The following TUBB4B variants were observed in gnomAD, a reference collection of about 807,000 sequenced individuals.
TUBB4B encodes the protein tubulin beta 4B class IVb.
TUBB4B carries 7 observed loss-of-function variants against 34.3 expected under a neutral mutation model. The observed-to-expected ratio is 0.20, with a 90% CI of 0.12 to 0.38. The LOEUF (loss-of-function observed/expected upper bound fraction) is 0.38. TUBB4B is among the 10% of genes least tolerant of loss of function. The pLI is 1.00. For missense variants in TUBB4B, 178 were observed against 610.9 expected (o/e 0.29, Z 7.47); for synonymous variants, 390 against 250.2 (o/e 1.56, Z -5.27).
rs772677640 is a variant in TUBB4B at position 137,241,358 on chromosome 9, A to G, written c.-3A>G. The G allele has an allele frequency of 1.0e-5, 16 of 1,597,162 alleles. No individual in the cohort carries two copies. The highest frequency in any genetic ancestry group is 3.3e-5 in the South Asian group (3 of 90,686). On this transcript the variant is annotated 5_prime_UTR_variant, in exon 1 of 4. Transcript: ENST00000340384. ...CTGCTTCCCCGCCGCCGCCGCCGCC[A>G]TCATGAGGGAAATCGTGCACTTGCA...
rs1243665885 is a variant in TUBB4B at position 137,243,601 on chromosome 9, T to TA, written c.*46dup. On this transcript the variant is annotated 3_prime_UTR_variant, in exon 4 of 4. Coordinates refer to ENST00000340384, the MANE Select transcript of TUBB4B (RefSeq NM_006088.6). The stretch of plus-strand genomic sequence containing the variant: ...AAGCAGGGAAGCAGTGTGAACTCTT[T>TA]ATTCACTCCCAGCCTGTCCTGTGGC... 3.5e-5 allele frequency: 57 copies of TA among 1,613,154 alleles called. No homozygotes were observed. Among genetic ancestry groups the TA allele is most frequent in the Non-Finnish European group, 4.7e-5 (55 of 1,179,404 alleles).
At chr9:137,242,253 T>G (rs1184029830) in intron 3 of TUBB4B, 3 of 662,788 alleles carry the variant, frequency 4.5e-6, no homozygotes, top group Admixed American at 3.0e-5. Flanking sequence ...TGGCTGTTCC[T>G]CTGTCCTTGG....
rs769479167 is a variant in TUBB4B at position 137,243,067 on chromosome 9, G to A, written c.849G>A (p.Ala283=). Residue 283 remains alanine, a synonymous_variant, in exon 4 of 4, where the codon GCG becomes GCA. Coordinates refer to ENST00000340384, the MANE Select transcript of TUBB4B (RefSeq NM_006088.6). ...GCCGGGGCAGCCAGCAGTACCGGGC[G>A]CTGACCGTGCCCGAGCTCACCCAGC... ...LTSRGSQQYR[A]LTVPELTQQM... is the part of the protein sequence containing the mutation. 18 of 1,612,818 alleles carry A rather than the reference G, an allele frequency of 1.1e-5. No individual in the cohort carries two copies. The highest frequency in any genetic ancestry group is 6.7e-5 in the African/African-American group (5 of 74,930).
intron 3 of TUBB4B, 99 bp from the exon 4 acceptor site, chr9:137,242,397 G>A: frequency 1.4e-6 from 2 of 1,405,950 alleles, no homozygotes; most frequent in Non-Finnish European, 1.9e-6. Flanking sequence ...GGTGAATTCT[G>A]TGGTCAGCTC....
intron 1 of TUBB4B, 124 bp downstream of exon 1, chr9:137,241,541 G>T: frequency 5.7e-5 from 55 of 962,682 alleles, no homozygotes; most frequent in Non-Finnish European, 7.0e-5. Context: ...CCCCCTCCGC[G>T]GGGAATTGGC....
At chr9:137,242,060 C>G in intron 3 of TUBB4B, 39 bp downstream of exon 3, 3 of 1,591,448 alleles carry the variant, frequency 1.9e-6, no homozygotes, top group Non-Finnish European at 2.6e-6. Flanking sequence ...GCTCAAAGGT[C>G]AAGGGGCTGC....
chr9:137,241,857 C>A, intron 2 of TUBB4B, 28 bp downstream of exon 2: 4 of 1,611,536 alleles, frequency 2.5e-6, no homozygotes, highest in Non-Finnish European at 3.4e-6. Context: ...TCCCCGACCG[C>A]CCTCCGGGGA....
intron 1 of TUBB4B, 35 bp from the exon 2 acceptor site, chr9:137,241,686 C>T (rs1390054993): frequency 1.3e-6 from 2 of 1,585,238 alleles, no homozygotes; most frequent in Non-Finnish European, 1.7e-6. Flanking sequence ...GTGACTCAGC[C>T]CCGGCCCGCC....
At chr9:137,241,657 T>G in intron 1 of TUBB4B, 64 bp from the exon 2 acceptor site, 1 of 1,346,820 alleles carries the variant, frequency 7.4e-7, no homozygotes, top group African/African-American at 1.5e-5. Context: ...CGGGGCTGCC[T>G]CCCTGCGCAC....
At position 137,243,704 on chromosome 9, in the gene TUBB4B, A is replaced by G. The variant is rs1320640917; in HGVS notation, c.*148A>G. ...GACACCACCATTAAAGCATTTTCAT[A>G]GTGTGTGGTTTCGCTTTGCCCATTC... On this transcript the variant is annotated 3_prime_UTR_variant, in exon 4 of 4. Coordinates refer to ENST00000340384, the MANE Select transcript of TUBB4B (RefSeq NM_006088.6). The G allele has an allele frequency of 2.0e-5, 33 of 1,613,958 alleles. 2 individuals are homozygous for G. Among genetic ancestry groups the G allele is most frequent in the Non-Finnish European group, 2.5e-5 (30 of 1,180,002 alleles).
rs755392886 is a variant in TUBB4B, at chr9:137,241,793, C to T, written c.130C>T (p.Leu44=). The T allele has an allele frequency of 6.8e-6, 11 of 1,612,262 alleles. No homozygotes were observed. The highest frequency in any genetic ancestry group is 4.0e-5 in the African/African-American group (3 of 74,896). The part of the protein sequence containing the change: ...GTYHGDSDLQ[L]ERINVYYNEA... The stretch of plus-strand genomic sequence containing the variant: ...CTACCACGGGGACAGCGACCTGCAG[C>T]TGGAACGCATCAACGTGTACTACAA... Residue 44 remains leucine (L), a synonymous_variant, in exon 2 of 4, where the codon CTG becomes TTG. Coordinates refer to ENST00000340384, the MANE Select transcript of TUBB4B (RefSeq NM_006088.6).
chr9:137,242,395 C>T (rs1246444317), intron 3 of TUBB4B, 101 bp from the exon 4 acceptor site: 12 of 1,395,564 alleles, frequency 8.6e-6, no homozygotes, highest in African/African-American at 1.4e-5. Context: ...AGGGTGAATT[C>T]TGTGGTCAGC....
intron 3 of TUBB4B, 46 bp downstream of exon 3, chr9:137,242,067 C>G: frequency 1.3e-6 from 2 of 1,578,926 alleles, no homozygotes; most frequent in Non-Finnish European, 1.7e-6. Context: ...GGTCAAGGGG[C>G]TGCTCCAAGG....
chr9:137,242,207 C>T (rs1182291069), intron 3 of TUBB4B, 186 bp downstream of exon 3: 1 of 679,796 alleles, frequency 1.5e-6, no homozygotes, highest in Non-Finnish European at 2.5e-6. Flanking sequence ...AGCCGCCACA[C>T]ACGTAATCTC....
Position 137,242,489 on chromosome 9 carries a change from C to CT in TUBB4B, c.278-6dup. On this transcript the variant is annotated splice_polypyrimidine_tract_variant and splice_region_variant and intron_variant, in intron 3 of 3. Coordinates refer to ENST00000340384, the MANE Select transcript of TUBB4B (RefSeq NM_006088.6). ...GCTGACAAATGATTAGCTGTGTTCT[C>CT]TCACAGGTCAGAGTGGTGCTGGGAA... 1.2e-6 allele frequency: 2 copies of CT among 1,610,680 alleles called. No individual in the cohort carries two copies. Among genetic ancestry groups the CT allele is most frequent in the Middle Eastern group, 3.3e-4 (2 of 6,052 alleles).
At chr9:137,242,046 G>C (rs1281896129) in intron 3 of TUBB4B, 25 bp downstream of exon 3, 1 of 1,605,546 alleles carries the variant, frequency 6.2e-7, no homozygotes, top group African/African-American at 1.3e-5. Context: ...GGGACTGGGC[G>C]GCGGCTCAAA....
At position 137,241,793 on chromosome 9, in the gene TUBB4B, C is replaced by A. The variant is rs755392886; in HGVS notation, c.130C>A (p.Leu44Met). Reference sequence around the variant, plus strand: ...CTACCACGGGGACAGCGACCTGCAGCTGGAACGCATCAACGTGTACTACAA... The same window carrying A: ...CTACCACGGGGACAGCGACCTGCAGATGGAACGCATCAACGTGTACTACAA... The part of the protein sequence containing the change: ...GTYHGDSDLQ[L>M]ERINVYYNEA... Residue 44 changes from leucine to methionine, a missense_variant, in exon 2 of 4, where the codon CTG (leucine) becomes ATG (methionine). By Grantham distance (15) the Leu-to-Met change is conservative (BLOSUM62 2). Coordinates refer to ENST00000340384, the MANE Select transcript of TUBB4B (RefSeq NM_006088.6). 3 of 1,612,262 alleles carry A rather than the reference C, an allele frequency of 1.9e-6. No individual in the cohort carries two copies. Among genetic ancestry groups the A allele is most frequent in the Non-Finnish European group, 2.5e-6 (3 of 1,179,624 alleles).
Position 137,243,572 on chromosome 9 carries a change from GGGAAAGCA to G in TUBB4B, c.*19_*26del. 6.2e-7 allele frequency: 1 copy of G among 1,613,648 alleles called. No homozygotes were observed. The highest frequency in any genetic ancestry group is 8.5e-7 in the Non-Finnish European group (1 of 1,179,692). ...GGTGGCCTAGAGCCTTCAGTCACTG[GGGAAAGCA>G]GGGAAGCAGTGTGAACTCTTTATTC... On this transcript the variant is annotated 3_prime_UTR_variant, in exon 4 of 4. Coordinates refer to ENST00000340384, the MANE Select transcript of TUBB4B (RefSeq NM_006088.6).
At position 137,243,610 on chromosome 9, in the gene TUBB4B, C is replaced by T. The variant is rs1836805485; in HGVS notation, c.*54C>T. ...AGCAGTGTGAACTCTTTATTCACTC[C>T]CAGCCTGTCCTGTGGCCTGTCCCAC... On this transcript the variant is annotated 3_prime_UTR_variant, in exon 4 of 4. Transcript: ENST00000340384. 12 of 1,613,226 alleles carry T rather than the reference C, an allele frequency of 7.4e-6. No individual in the cohort carries two copies. The highest frequency in any genetic ancestry group is 4.0e-5 in the African/African-American group (3 of 74,936).
Sources: allele counts gnomAD v4.1 joint callset, GRCh38; gene constraint gnomAD v4.1.1; transcripts MANE v1.5; gene names NCBI Gene and HGNC (gene_info 2026-07-23, HGNC 2026-07-21).